The following CAMKMT variants were observed in gnomAD, a reference collection of about 807,000 sequenced individuals.
CAMKMT encodes the protein CaM KMT.
In CAMKMT, 53 loss-of-function variants were observed where a neutral mutation model predicts 48.0. The ratio of observed to expected loss-of-function variants is 1.10; its 90% CI spans 0.89 to 1.39. The LOEUF is 1.39. CAMKMT is among the 40% of genes most tolerant of loss of function. The probability of loss-of-function intolerance (pLI) is 0.00; values close to 1 mark genes in which losing one functional copy is unlikely to be tolerated. For missense variants in CAMKMT, 428 were observed against 402.7 expected (o/e 1.06, Z -0.54); for synonymous variants, 165 against 152.3 (o/e 1.08, Z -0.61).
At chr2:44,453,459 G>A (rs952424338) in intron 3 of CAMKMT, among the ~76,000 whole-genome samples, 1 of 152,060 alleles carries the variant, frequency 6.6e-6, no homozygotes. Context: ...TTGCTTCTGT[G>A]TATGATACAG....
intron 3 of CAMKMT, among the ~76,000 whole-genome samples, chr2:44,396,942 T>A (rs1681905023): frequency 6.6e-6 from 1 of 151,056 alleles, no homozygotes; most frequent in African/African-American, 2.4e-5. Context: ...GGCTGTAGTC[T>A]CAGCTACTCA....
chr2:44,424,683 A>C (rs1159441861), intron 3 of CAMKMT, among the ~76,000 whole-genome samples: 1 of 152,220 alleles, frequency 6.6e-6, no homozygotes, highest in Non-Finnish European at 1.5e-5. Flanking sequence ...AAAACCAAAC[A>C]TCATATGTTC....
intron 3 of CAMKMT, among the ~76,000 whole-genome samples, chr2:44,589,913 G>GAAA (rs539660817): frequency 1.6e-5 from 1 of 63,606 alleles, no homozygotes; most frequent in African/African-American, 5.8e-5. Flanking sequence ...AAAAAAGAAC[G>GAAA]AAAAAAAAAA....
intron 3 of CAMKMT, among the ~76,000 whole-genome samples, chr2:44,545,890 A>ATT (rs1400324472): frequency 2.6e-5 from 4 of 152,116 alleles, no homozygotes; most frequent in Admixed American, 6.6e-5. Flanking sequence ...TCATCAACTC[A>ATT]TTTAAAACAA....
chr2:44,624,915 T>C (rs1055846042), intron 3 of CAMKMT, among the ~76,000 whole-genome samples: 1 of 152,220 alleles, frequency 6.6e-6, no homozygotes, highest in South Asian at 2.1e-4. Flanking sequence ...ACTTCCACAA[T>C]GGTTGAACTA....
chr2:44,546,283 C>T (rs957433206), intron 3 of CAMKMT, among the ~76,000 whole-genome samples: 1 of 151,894 alleles, frequency 6.6e-6, no homozygotes, highest in Non-Finnish European at 1.5e-5. Flanking sequence ...CTTCTTAGCC[C>T]AAAGCCGCTG....
At chr2:44,711,729 C>T (rs991188290) in intron 6 of CAMKMT, among the ~76,000 whole-genome samples, 21 of 152,202 alleles carry the variant, frequency 1.4e-4, no homozygotes, top group African/African-American at 5.1e-4. Context: ...GAATTATACA[C>T]TAAGATAATG....
rs191540592 is a variant in CAMKMT at position 44,520,165 on chromosome 2, G to A, written c.376+129860G>A. ...ACCTGGGAGGCGGAGCTTGCAGTGAGCCAAGATCACGCCACTGCACTCCAG... is the reference window on the plus strand; with the variant it reads ...ACCTGGGAGGCGGAGCTTGCAGTGAACCAAGATCACGCCACTGCACTCCAG... On this transcript the variant is annotated intron_variant, in intron 3 of 10. Transcript: ENST00000378494. 3.4e-3 allele frequency among the ~76,000 whole-genome samples: 522 copies of A among 152,198 alleles called. 4 individuals are homozygous for A. The highest frequency in any genetic ancestry group is 0.012 in the African/African-American group (498 of 41,534).
At chr2:44,489,358 G>T (rs1669373799) in intron 3 of CAMKMT, among the ~76,000 whole-genome samples, 2 of 149,038 alleles carry the variant, frequency 1.3e-5, no homozygotes, top group Non-Finnish European at 3.0e-5. Context: ...CAATTCTCCT[G>T]CCTAAGCCTC....
chr2:44,446,817 A>G (rs1667027732), intron 3 of CAMKMT, among the ~76,000 whole-genome samples: 1 of 152,194 alleles, frequency 6.6e-6, no homozygotes, highest in African/African-American at 2.4e-5. Context: ...TTCTATCTGA[A>G]GTTTATCTTC....
At chr2:44,474,218 G>T (rs960278530) in intron 3 of CAMKMT, among the ~76,000 whole-genome samples, 1 of 152,126 alleles carries the variant, frequency 6.6e-6, no homozygotes, top group African/African-American at 2.4e-5. Context: ...GGCCGAGGCA[G>T]GCGGATCACC....
At chr2:44,520,993 A>G (rs1188530186) in intron 3 of CAMKMT, among the ~76,000 whole-genome samples, 1 of 152,166 alleles carries the variant, frequency 6.6e-6, no homozygotes, top group Non-Finnish European at 1.5e-5. Flanking sequence ...TTTTCTTTAT[A>G]AATTACCCAG....
intron 1 of CAMKMT, among the ~76,000 whole-genome samples, chr2:44,362,804 A>G (rs1678073345): frequency 6.6e-6 from 1 of 152,204 alleles, no homozygotes; most frequent in Non-Finnish European, 1.5e-5. Flanking sequence ...ATCTTCTGGT[A>G]CTTCAAAGTT....
chr2:44,477,404 G>A (rs1481251090), intron 3 of CAMKMT, among the ~76,000 whole-genome samples: 1 of 152,138 alleles, frequency 6.6e-6, no homozygotes, highest in Non-Finnish European at 1.5e-5. Flanking sequence ...AGTTTGCTAA[G>A]CCCTATTATA....
At chr2:44,368,539 T>C (rs1266619255) in intron 1 of CAMKMT, among the ~76,000 whole-genome samples, 1 of 152,196 alleles carries the variant, frequency 6.6e-6, no homozygotes, top group East Asian at 1.9e-4. Context: ...GTTGTCATAC[T>C]GTAGATCATG....
chr2:44,745,766 C>G (rs1183933243), intron 8 of CAMKMT, among the ~76,000 whole-genome samples: 1 of 152,072 alleles, frequency 6.6e-6, no homozygotes, highest in African/African-American at 2.4e-5. Context: ...AAAAGAAATG[C>G]TTTGGTAATG....
intron 3 of CAMKMT, among the ~76,000 whole-genome samples, chr2:44,553,558 G>A (rs1310723382): frequency 1.3e-5 from 2 of 152,066 alleles, no homozygotes; most frequent in African/African-American, 4.8e-5. Flanking sequence ...ATGGGGTTTT[G>A]CCATATTGGC....
chr2:44,387,554 C>T (rs1273502200), intron 2 of CAMKMT, among the ~76,000 whole-genome samples: 2 of 152,020 alleles, frequency 1.3e-5, no homozygotes, highest in East Asian at 3.8e-4. Context: ...ATTAATTGTA[C>T]TCTTTGTTGC....
chr2:44,663,262 A>G (rs1271815747), intron 3 of CAMKMT, among the ~76,000 whole-genome samples: 1 of 152,166 alleles, frequency 6.6e-6, no homozygotes, highest in Non-Finnish European at 1.5e-5. Context: ...AGGATCATGC[A>G]TTTCATTCAT....
Sources: gnomAD v4.1 joint callset for allele counts (sites outside exome capture counted in the v4.1 genomes callset) on GRCh38, gnomAD v4.1.1 for gene constraint, MANE v1.5 for transcripts, NCBI Gene and HGNC (gene_info 2026-07-23, HGNC 2026-07-21) for gene names.